MARCHF1: variants seen among roughly 807,000 people sequenced by gnomAD.
MARCHF1 encodes the protein E3 ubiquitin-protein ligase MARCHF1.
A neutral mutation model predicts 54.2 loss-of-function variants in MARCHF1; 40 were observed. The ratio of observed to expected loss-of-function variants is 0.74; its 90% confidence interval spans 0.57 to 0.96. The LOEUF is 0.96. MARCHF1 is among the 40% of genes least tolerant of loss of function. MARCHF1 has a pLI of 0.00. For missense variants in MARCHF1, 586 were observed against 656.5 expected (o/e 0.89, Z 1.17); for synonymous variants, 236 against 236.3 (o/e 1.00, Z 0.01).
intron 4 of MARCHF1, among the ~76,000 whole-genome samples, chr4:163,717,333 T>A (rs534405088): frequency 1.1e-3 from 164 of 151,922 alleles, no homozygotes; most frequent in Non-Finnish European, 2.0e-3. Flanking sequence ...AACTCATCAT[T>A]TTTTATGGCT....
chr4:163,554,588 C>G (rs1739222871), intron 8 of MARCHF1, among the ~76,000 whole-genome samples: 1 of 152,158 alleles, frequency 6.6e-6, no homozygotes, highest in Non-Finnish European at 1.5e-5. Flanking sequence ...AGACCCCTGT[C>G]TGGCTTGGGT....
chr4:163,950,829 C>T (rs1752120636), intron 3 of MARCHF1, among the ~76,000 whole-genome samples: 1 of 152,218 alleles, frequency 6.6e-6, no homozygotes, highest in Admixed American at 6.5e-5. Flanking sequence ...ATGAAAAGTA[C>T]ATATTCAAGA....
At chr4:163,789,055 TC>T (rs1396692925) in intron 4 of MARCHF1, among the ~76,000 whole-genome samples, 2 of 152,126 alleles carry the variant, frequency 1.3e-5, no homozygotes, top group African/African-American at 2.4e-5. Context: ...TCCCATTCTT[TC>T]TACATTTTTT....
chr4:164,228,131 G>A (rs1044950022), intron 1 of MARCHF1, among the ~76,000 whole-genome samples: 8 of 152,120 alleles, frequency 5.3e-5, no homozygotes, highest in South Asian at 2.1e-4. Context: ...TGATACTGAC[G>A]ATGTTGGTGG....
chr4:163,860,035 C>T (rs1367081244), intron 3 of MARCHF1, among the ~76,000 whole-genome samples: 1 of 152,114 alleles, frequency 6.6e-6, no homozygotes, highest in African/African-American at 2.4e-5. Flanking sequence ...TCATCACTCC[C>T]ATTCTTATAA....
chr4:163,969,852 G>A (rs1391437980), intron 3 of MARCHF1, among the ~76,000 whole-genome samples: 1 of 152,164 alleles, frequency 6.6e-6, no homozygotes, highest in East Asian at 1.9e-4. Context: ...TGTTTTGGGG[G>A]AAAACGTAAG....
chr4:163,578,437 A>T (rs1740109997), intron 8 of MARCHF1, among the ~76,000 whole-genome samples: 1 of 152,144 alleles, frequency 6.6e-6, no homozygotes, highest in Admixed American at 6.5e-5. Context: ...TCCAGCCAAC[A>T]ATTATTATTC....
chr4:163,621,163 A>C lies in MARCHF1; in HGVS notation c.163-7770T>G, dbSNP rs539345647. Among the ~76,000 whole-genome samples the C allele has an allele frequency of 3.3e-5, 5 of 152,314 alleles. No homozygotes were observed. The South Asian group carries it at 1.0e-3, about 32-fold the overall frequency. ...AGTTGTAATAGGACACTGATCTTGA[A>C]ATACTATAATTCTTTTTACTAATTC... On this transcript the variant is annotated intron_variant, in intron 5 of 9. Transcript: ENST00000514618.
At chr4:163,650,175 A>G (rs1263170154) in intron 5 of MARCHF1, among the ~76,000 whole-genome samples, 2 of 151,650 alleles carry the variant, frequency 1.3e-5, no homozygotes, top group African/African-American at 4.9e-5. Context: ...GTTGATATTT[A>G]AAAAGCTGTA....
chr4:164,144,925 C>A (rs1468847109), intron 1 of MARCHF1, among the ~76,000 whole-genome samples: 11 of 124,550 alleles, frequency 8.8e-5, no homozygotes, highest in Admixed American at 1.7e-4. Flanking sequence ...AGACTGCTAG[C>A]AAGACTAATA....
intron 2 of MARCHF1, among the ~76,000 whole-genome samples, chr4:164,020,835 G>T (rs966506494): frequency 6.6e-6 from 1 of 152,200 alleles, no homozygotes; most frequent in African/African-American, 2.4e-5. Context: ...AGAGGCTGAG[G>T]TGGGAGGATC....
intron 3 of MARCHF1, among the ~76,000 whole-genome samples, chr4:163,881,976 T>C (rs1007538793): frequency 6.6e-6 from 1 of 152,192 alleles, no homozygotes; most frequent in Non-Finnish European, 1.5e-5. Flanking sequence ...AATAAAATCA[T>C]AAAGTTCTTT....
At chr4:163,577,133 T>C (rs1206601378) in intron 8 of MARCHF1, among the ~76,000 whole-genome samples, 1 of 152,024 alleles carries the variant, frequency 6.6e-6, no homozygotes, top group Non-Finnish European at 1.5e-5. Flanking sequence ...GTAGTTTCTA[T>C]TGTGTGGTTG....
At chr4:164,263,982 C>T (rs1204750702) in intron 1 of MARCHF1, among the ~76,000 whole-genome samples, 6 of 152,132 alleles carry the variant, frequency 3.9e-5, no homozygotes, top group South Asian at 4.1e-4. Context: ...CCCAGTAATC[C>T]GACTACTGGG....
chr4:164,290,552 T>C (rs1325538739), intron 1 of MARCHF1, among the ~76,000 whole-genome samples: 2 of 151,898 alleles, frequency 1.3e-5, no homozygotes, highest in African/African-American at 4.8e-5. Context: ...CAGAAGAAAT[T>C]AAGCACAGAA....
intron 1 of MARCHF1, among the ~76,000 whole-genome samples, chr4:164,223,042 C>G (rs1163479108): frequency 6.6e-6 from 1 of 151,936 alleles, no homozygotes; most frequent in Non-Finnish European, 1.5e-5. Flanking sequence ...ATTTATAAAA[C>G]CATCAGATTC....
At chr4:163,542,348 G>C (rs17611011) in intron 9 of MARCHF1, among the ~76,000 whole-genome samples, 3 of 152,210 alleles carry the variant, frequency 2.0e-5, no homozygotes, top group Non-Finnish European at 4.4e-5. Context: ...TCAGCACCGG[G>C]GAGATGTAGT....
intron 1 of MARCHF1, among the ~76,000 whole-genome samples, chr4:164,116,006 T>C (rs1009966244): frequency 6.6e-6 from 1 of 152,146 alleles, no homozygotes; most frequent in Non-Finnish European, 1.5e-5. Context: ...TTTCTTTGGC[T>C]ATCATTGATC....
chr4:164,176,092 A>G (rs1730655656), intron 1 of MARCHF1, among the ~76,000 whole-genome samples: 1 of 152,142 alleles, frequency 6.6e-6, no homozygotes, highest in South Asian at 2.1e-4. Context: ...TAAACTCAAC[A>G]CCTAAACGTT....
Sources: allele counts gnomAD v4.1 joint callset (sites outside exome capture counted in the v4.1 genomes callset), GRCh38; gene constraint gnomAD v4.1.1; transcripts MANE v1.5; gene names NCBI Gene and HGNC (gene_info 2026-07-23, HGNC 2026-07-21).